Variants in MAP2K2 observed in about 807,000 individuals in gnomAD.
MAP2K2 encodes the protein dual specificity mitogen-activated protein kinase kinase 2.
MAP2K2 carries 24 observed loss-of-function variants against 43.7 expected under a neutral mutation model. The observed-to-expected ratio is 0.55, with a 90% CI of 0.40 to 0.77. The LOEUF is 0.77. MAP2K2 is among the 30% of genes least tolerant of loss of function. MAP2K2 has a pLI of 0.00. For synonymous variants in MAP2K2, 244 were observed against 239.7 expected, an observed-to-expected ratio of 1.02 and a Z score of -0.17; for missense variants, 470 against 566.8, an observed-to-expected ratio of 0.83 and a Z score of 1.73.
At chr19:4,122,950 T>C (rs1178437438) in intron 1 of MAP2K2, among the ~76,000 whole-genome samples, 1 of 149,614 alleles carries the variant, frequency 6.7e-6, no homozygotes, top group Non-Finnish European at 1.5e-5. Context: ...CACCCCATCC[T>C]CTCCCCTCTG....
intron 7 of MAP2K2, among the ~76,000 whole-genome samples, chr19:4,097,595 A>G (rs1193545301): frequency 6.6e-6 from 1 of 152,184 alleles, no homozygotes; most frequent in African/African-American, 2.4e-5. Flanking sequence ...ACATTTTTTG[A>G]GAAGTCACAC....
intron 2 of MAP2K2, among the ~76,000 whole-genome samples, chr19:4,113,433 G>T (rs1423092721): frequency 6.6e-6 from 1 of 152,130 alleles, no homozygotes; most frequent in East Asian, 1.9e-4. Context: ...GGACAGGAGG[G>T]GAGGGGGCGT....
chr19:4,105,308 G>T (rs2041072395), intron 3 of MAP2K2, among the ~76,000 whole-genome samples: 3 of 149,544 alleles, frequency 2.0e-5, no homozygotes, highest in African/African-American at 4.9e-5. Flanking sequence ...TCGCTCTGTT[G>T]CCCAGGCGGG....
rs752389003 is a variant in MAP2K2 at position 4,101,139 on chromosome 19, C to T, written c.585G>A (p.Val195=). The T allele has an allele frequency of 5.6e-6, 9 of 1,608,438 alleles. No homozygotes were observed. Among genetic ancestry groups the T allele is most frequent in the African/African-American group, 1.3e-5 (1 of 74,726 alleles). ...REKHQIMHRD[V]KPSNILVNSR... is the part of the protein sequence containing the mutation. ...AGTTCACGAGGATGTTGGAGGGCTTCACATCTGGAGGCGGCAGGCTGCGGG... is the reference window on the plus strand; with the variant it reads ...AGTTCACGAGGATGTTGGAGGGCTTTACATCTGGAGGCGGCAGGCTGCGGG... The change falls in exon 6 of 11, where the codon GTG becomes GTA. Residue 195 remains valine, a synonymous_variant. Transcript: ENST00000262948. The surrounding 1 kb of genome is among the most constrained non-coding windows in gnomAD (Gnocchi z 6.3).
In MAP2K2 at chr19:4,099,164, G is replaced by A. The variant is rs770574009; in HGVS notation, c.919+37C>T. On this transcript the variant is annotated intron_variant, in intron 7 of 10. Transcript: ENST00000262948. Reference sequence around the variant, plus strand: ...CACAGCAGGCCCCGCGCAGGGCACTGCGCGTCCAGACCGGAAGTTGCAGAT... The same window carrying A: ...CACAGCAGGCCCCGCGCAGGGCACTACGCGTCCAGACCGGAAGTTGCAGAT... The A allele has an allele frequency of 4.5e-6, 7 of 1,555,606 alleles. No homozygotes were observed. The South Asian group carries it at 6.9e-5, about 15-fold the overall frequency.
chr19:4,110,688 G>A (rs1341672259), intron 2 of MAP2K2, 33 bp from the exon 3 acceptor site: 17 of 1,601,144 alleles, frequency 1.1e-5, no homozygotes, highest in Non-Finnish European at 1.4e-5. Flanking sequence ...CTGGCTTGGG[G>A]GGTGCCCGAA....
rs727504818 is a variant in MAP2K2 at position 4,101,085 on chromosome 19, G to A, written c.639C>T (p.Phe213=). ...NSRGEIKLCD[F]GVSGQLIDSM... ...AGTCGATGAGCTGGCCGCTCACCCCGAAGTCACACAGCTTGATCTCCCCTC... is the reference window on the plus strand; with the variant it reads ...AGTCGATGAGCTGGCCGCTCACCCCAAAGTCACACAGCTTGATCTCCCCTC... The change falls in exon 6 of 11, where the codon TTC becomes TTT. Residue 213 remains phenylalanine, a synonymous_variant. Transcript: ENST00000262948. This position sits in a 1 kb window ranked among gnomAD's most constrained non-coding sequence, Gnocchi z 6.3. 18 of 1,599,672 alleles carry A rather than the reference G, an allele frequency of 1.1e-5. No individual in the cohort carries two copies. Among genetic ancestry groups the A allele is most frequent in the South Asian group, 9.0e-5 (8 of 88,738 alleles).
At chr19:4,122,092 C>T (rs947963605) in intron 1 of MAP2K2, among the ~76,000 whole-genome samples, 1 of 142,616 alleles carries the variant, frequency 7.0e-6, no homozygotes. Flanking sequence ...CCGCTCCCCG[C>T]CCCCCCAAGA....
At chr19:4,100,597 C>G (rs1599288705) in intron 6 of MAP2K2, 1 of 212,200 alleles carries the variant, frequency 4.7e-6, no homozygotes, top group East Asian at 1.2e-4. Flanking sequence ...AAGAAGGTCA[C>G]TTGAGTCCAG....
In MAP2K2 at chr19:4,099,552, T is replaced by C. The variant is rs2040971726; in HGVS notation, c.706-138A>G. On this transcript the variant is annotated intron_variant, in intron 6 of 10. Coordinates refer to ENST00000262948, the MANE Select transcript of MAP2K2 (RefSeq NM_030662.4). ...CAATGGATAGAGAGCTGTTACGCAA[T>C]TCTACCTCCCGGCTCACCCACCCAG... 49 of 726,366 alleles carry C rather than the reference T, an allele frequency of 6.7e-5. 1 individual carries two copies. In the South Asian group the frequency reaches 8.6e-4, roughly 13 times the overall value. The allele number at this position is 726,366 out of a possible 1,614,324, so 45.0% of individuals were successfully genotyped here.
intron 8 of MAP2K2, 114 bp from the exon 9 acceptor site, chr19:4,095,563 G>A (rs894126767): frequency 2.0e-5 from 16 of 801,216 alleles, no homozygotes; most frequent in African/African-American, 3.4e-5. Context: ...AGGCCTGGCC[G>A]ACACCACATG....
chr19:4,102,240 A>G, intron 4 of MAP2K2, 136 bp downstream of exon 4: 1 of 759,752 alleles, frequency 1.3e-6, no homozygotes, highest in Non-Finnish European at 2.3e-6. Flanking sequence ...AGGTGGGCAC[A>G]GCCTTGGCCA....
intron 6 of MAP2K2, 186 bp downstream of exon 6, chr19:4,100,833 A>G (rs1308279899): frequency 5.8e-6 from 4 of 691,470 alleles, no homozygotes; most frequent in Non-Finnish European, 2.5e-6. Context: ...GTGTGTGCCC[A>G]CGAAATAGTT....
intron 1 of MAP2K2, among the ~76,000 whole-genome samples, chr19:4,123,150 G>A (rs900557212): frequency 5.3e-5 from 8 of 151,676 alleles, no homozygotes; most frequent in Admixed American, 4.6e-4. Context: ...CACTACTCAA[G>A]GACCCCACAC....
At chr19:4,103,153 C>G in intron 3 of MAP2K2, 2 of 992,526 alleles carry the variant, frequency 2.0e-6, no homozygotes, top group South Asian at 9.2e-5. Context: ...TGACGGTAAC[C>G]TCGGCCCCTC....
chr19:4,097,677 C>T (rs1423432583), intron 7 of MAP2K2, among the ~76,000 whole-genome samples: 1 of 152,148 alleles, frequency 6.6e-6, no homozygotes, highest in African/African-American at 2.4e-5. Flanking sequence ...GGGGGAGGGA[C>T]GGTGCTGACC....
intron 2 of MAP2K2, among the ~76,000 whole-genome samples, chr19:4,111,257 T>G (rs2041150592): frequency 6.6e-6 from 1 of 152,092 alleles, no homozygotes; most frequent in South Asian, 2.1e-4. Context: ...GTCACATACT[T>G]TCAAAGGGGA....
At chr19:4,098,327 A>G (rs1599285823) in intron 7 of MAP2K2, among the ~76,000 whole-genome samples, 1 of 152,050 alleles carries the variant, frequency 6.6e-6, no homozygotes, top group East Asian at 1.9e-4. Flanking sequence ...GGGAGCTGAG[A>G]AGGTTCTGGA....
chr19:4,117,926 G>A (rs1480771711), intron 1 of MAP2K2, among the ~76,000 whole-genome samples: 2 of 152,068 alleles, frequency 1.3e-5, no homozygotes, highest in South Asian at 2.1e-4. Context: ...GGAAGCCTCC[G>A]TCTTTTTCTT....
Sources: gnomAD v4.1 joint callset for allele counts (sites outside exome capture counted in the v4.1 genomes callset) on GRCh38, gnomAD v4.1.1 for gene constraint, Gnocchi (gnomAD v3.1) non-coding constraint, MANE v1.5 for transcripts, NCBI Gene and HGNC (gene_info 2026-07-23, HGNC 2026-07-21) for gene names.